MYH10: variants seen among roughly 807,000 people sequenced by gnomAD.
MYH10 encodes myosin-10.
Under a neutral mutation model 257.8 loss-of-function variants are expected in MYH10, and 55 were observed. That is an observed-to-expected ratio of 0.21 (90% CI 0.17 to 0.27). The LOEUF (loss-of-function observed/expected upper bound fraction) is 0.27, where lower values mean the gene tolerates loss of function less well. MYH10 is among the 10% of genes least tolerant of loss of function. MYH10 has a pLI of 1.00. For synonymous variants in MYH10, 854 were observed against 921.7 expected, an observed-to-expected ratio of 0.93 and a Z score of 1.33; for missense variants, 1,631 against 2,500.6, an observed-to-expected ratio of 0.65 and a Z score of 7.42.
intron 6 of MYH10, among the ~76,000 whole-genome samples, chr17:8,575,537 A>G (rs938676717): frequency 6.6e-6 from 1 of 152,138 alleles, no homozygotes; most frequent in African/African-American, 2.4e-5. Flanking sequence ...AAAGGACATC[A>G]TAGGCCTTCA....
chr17:8,510,933 CA>C (rs1248889314), intron 24 of MYH10, among the ~76,000 whole-genome samples: 2 of 150,004 alleles, frequency 1.3e-5, no homozygotes, highest in Non-Finnish European at 3.0e-5. Context: ...TGCTATTACA[CA>C]GGATCACAGA....
intron 16 of MYH10, among the ~76,000 whole-genome samples, chr17:8,532,758 T>A (rs1454613973): frequency 2.6e-5 from 4 of 152,204 alleles, no homozygotes; most frequent in Admixed American, 1.3e-4. Flanking sequence ...ACTGGATCAC[T>A]AGCTCTTGGG....
At chr17:8,611,416 A>G (rs2085034510) in intron 2 of MYH10, among the ~76,000 whole-genome samples, 1 of 152,226 alleles carries the variant, frequency 6.6e-6, no homozygotes, top group Admixed American at 6.5e-5. Context: ...ATCCAAGATA[A>G]TATCTGGAAC....
rs757258659 is a variant in MYH10 at position 8,508,619 on chromosome 17, T to C, written c.3149A>G (p.Glu1050Gly). 1 of 1,614,146 alleles carries C rather than the reference T, an allele frequency of 6.2e-7. No homozygotes were observed. Among genetic ancestry groups the C allele is most frequent in the Non-Finnish European group, 8.5e-7 (1 of 1,180,028 alleles). The change falls in exon 26 of 43, where the codon GAA becomes GGA. Residue 1050 changes from glutamate to glycine, a missense_variant. Glu to Gly is a moderately conservative substitution (Grantham distance 98). Around this residue, in one of 11 missense-constraint regions of MYH10, gnomAD observed 169 missense variants for 249.8 expected, o/e 0.68. Coordinates refer to ENST00000360416, the MANE Select transcript of MYH10 (RefSeq NM_001256012.3). ...AECSSQLAEE[E>G]EKAKNLAKIR... ...TTTGGCCAAGTTTTTCGCCTTTTCT[T>C]CCTCTTCAGCCAGCTGAGAGGAACA...
At position 8,481,388 on chromosome 17, in the gene MYH10, G is replaced by C. The variant is rs777194483; in HGVS notation, c.5198C>G (p.Ala1733Gly). ...TCTCTCCTGCTCGGCGTGTCGGCGG[G>C]CTCGCTCAGATGAGGCAAGTTCCTA... ...LQEELASSER[A>G]RRHAEQERDE... Residue 1733 changes from alanine (A) to glycine (G), a missense_variant, in exon 38 of 43, where the codon GCC (alanine) becomes GGC (glycine). By Grantham distance (60) the Ala-to-Gly change is moderately conservative (BLOSUM62 0). Transcript: ENST00000360416. The C allele has an allele frequency of 6.2e-6, 10 of 1,614,022 alleles. No individual in the cohort carries two copies. The highest frequency in any genetic ancestry group is 8.5e-6 in the Non-Finnish European group (10 of 1,180,010).
At chr17:8,629,403 C>T (rs1404093248) in intron 1 of MYH10, among the ~76,000 whole-genome samples, 3 of 140,996 alleles carry the variant, frequency 2.1e-5, no homozygotes, top group Non-Finnish European at 3.0e-5. Flanking sequence ...CTGCAGAGGC[C>T]CTAAAGAAAC....
chr17:8,535,330 A>T lies in MYH10; in HGVS notation c.1894+57T>A, dbSNP rs1426011030. 1.5e-6 allele frequency: 2 copies of T among 1,338,042 alleles called. No individual in the cohort carries two copies. Among genetic ancestry groups the T allele is most frequent in the African/African-American group, 2.9e-5 (2 of 68,492 alleles). 82.9% of individuals were successfully genotyped at this position (1,338,042 alleles called of 1,614,324 possible). ...ATATATGTAAAAGAACCATCTATAA[A>T]CCTTAATTATAAAAGATTCCAGCCA... On this transcript the variant is annotated intron_variant, in intron 16 of 42. Transcript: ENST00000360416. This position sits in a 1 kb window ranked among gnomAD's most constrained non-coding sequence, Gnocchi z 4.3.
At position 8,476,469 on chromosome 17, in the gene MYH10, C is replaced by T. The variant is rs1477877644; in HGVS notation, c.5879+407G>A. On this transcript the variant is annotated intron_variant, in intron 42 of 42. Transcript: ENST00000360416. ...ACTTCAGCTGTAGCTCTCTCACGCT[C>T]TGCCCTCTCACTGGTACAGAGCAGA... Among the ~76,000 whole-genome samples the T allele has an allele frequency of 2.6e-5, 4 of 152,224 alleles. No homozygotes were observed. The East Asian group carries it at 7.7e-4, about 29-fold the overall frequency.
intron 7 of MYH10, among the ~76,000 whole-genome samples, chr17:8,568,254 C>T (rs1443972858): frequency 5.9e-5 from 9 of 152,180 alleles, no homozygotes; most frequent in Admixed American, 5.9e-4. Flanking sequence ...TTGCTTCAGA[C>T]ATCTAGCCTC....
Position 8,597,620 on chromosome 17 carries a change from A to AT in MYH10, c.502+7205dup, listed in dbSNP as rs5819201. Among the ~76,000 whole-genome samples the AT allele has an allele frequency of 5.9e-3, 865 of 145,612 alleles. 15 individuals are homozygous for AT. The highest frequency in any genetic ancestry group is 0.015 in the African/African-American group (614 of 39,682). Reference sequence around the variant, plus strand: ...GATCTTGATGCTATATAGTTTACTCATTTTTTTTTTTTTGAGATGGAGTCT... The same window carrying AT: ...GATCTTGATGCTATATAGTTTACTCATTTTTTTTTTTTTTGAGATGGAGTCT... On this transcript the variant is annotated intron_variant, in intron 3 of 42. Coordinates refer to ENST00000360416, the MANE Select transcript of MYH10 (RefSeq NM_001256012.3).
chr17:8,493,047 CAGAA>C, intron 32 of MYH10, 23 bp from the exon 33 acceptor site: 1 of 1,609,208 alleles, frequency 6.2e-7, no homozygotes, highest in South Asian at 1.1e-5. Flanking sequence ...TACGGACAAA[CAGAA>C]AGCTCAGTAT....
chr17:8,532,075 ATCT>A (rs1169924281), intron 16 of MYH10, among the ~76,000 whole-genome samples: 2 of 152,168 alleles, frequency 1.3e-5, no homozygotes, highest in Non-Finnish European at 2.9e-5. Context: ...GGCCTCTGAG[ATCT>A]TCTCCGTCAC....
intron 17 of MYH10, among the ~76,000 whole-genome samples, chr17:8,522,316 A>G (rs1028441043): frequency 6.6e-6 from 1 of 152,226 alleles, no homozygotes; most frequent in Non-Finnish European, 1.5e-5. Flanking sequence ...TCAATTTCCA[A>G]TGAGGTTTTT....
intron 7 of MYH10, chr17:8,561,299 A>G (rs1380663673): frequency 4.6e-6 from 5 of 1,082,134 alleles, no homozygotes; most frequent in Non-Finnish European, 7.1e-6. Context: ...TATTCGCTGC[A>G]CTAACTGTGC....
At chr17:8,484,303 T>A in intron 36 of MYH10, 37 bp from the exon 37 acceptor site, 1 of 1,575,946 alleles carries the variant, frequency 6.3e-7, no homozygotes, top group Non-Finnish European at 8.6e-7. Context: ...GTGGTTTACA[T>A]TCTTAGTTTT....
At chr17:8,554,351 T>G (rs2082724259) in intron 7 of MYH10, 1 of 160,372 alleles carries the variant, frequency 6.2e-6, no homozygotes, top group Admixed American at 6.3e-5. Context: ...AGGACCACTC[T>G]ATCCAGCACT....
chr17:8,487,686 C>T (rs565191290), intron 35 of MYH10, 92 bp from the exon 36 acceptor site: 202 of 1,455,164 alleles, frequency 1.4e-4, no homozygotes, highest in East Asian at 6.6e-4. Context: ...TCTGGTTACT[C>T]GGGTGAGTGG....
At chr17:8,595,353 C>CCCT (rs1231820643) in intron 3 of MYH10, among the ~76,000 whole-genome samples, 2 of 151,666 alleles carry the variant, frequency 1.3e-5, no homozygotes, top group Non-Finnish European at 2.9e-5. Flanking sequence ...TGTGCCCTCA[C>CCCT]CCTCTTTTCG....
intron 1 of MYH10, 149 bp from the exon 2 acceptor site, chr17:8,623,426 A>G (rs1364386651): frequency 1.6e-6 from 1 of 631,268 alleles, no homozygotes; most frequent in East Asian, 3.7e-5. Context: ...ATACTAACCG[A>G]GTTTCCAAGG....
Sources: allele counts gnomAD v4.1 joint callset (sites outside exome capture counted in the v4.1 genomes callset), GRCh38; gene constraint gnomAD v4.1.1; regional missense constraint gnomAD v4.1.1; non-coding constraint Gnocchi (gnomAD v3.1); transcripts MANE v1.5; gene names NCBI Gene and HGNC (gene_info 2026-07-23, HGNC 2026-07-21).